The following ZNF385D variants were observed in gnomAD, a reference collection of about 807,000 sequenced individuals.
ZNF385D encodes the protein zinc finger protein 385D, also known as zinc finger protein 659.
A neutral mutation model predicts 35.8 loss-of-function variants in ZNF385D; 15 were observed. The observed-to-expected ratio is 0.42, with a 90% CI of 0.28 to 0.64. ZNF385D has a LOEUF of 0.64. Ranked by LOEUF, ZNF385D falls within the 30% of genes least tolerant of loss-of-function variation. The pLI, the probability that ZNF385D is intolerant of heterozygous loss-of-function variation, is 0.23. For synonymous variants in ZNF385D, 212 were observed against 186.8 expected, an observed-to-expected ratio of 1.13 and a Z score of -1.10; for missense variants, 474 against 494.6, an observed-to-expected ratio of 0.96 and a Z score of 0.39.
chr3:22,194,333 G>A (rs575150587), intron 2 of ZNF385D, among the ~76,000 whole-genome samples: 2 of 151,664 alleles, frequency 1.3e-5, no homozygotes, highest in African/African-American at 4.8e-5. Context: ...GGGCTTTGTT[G>A]TTGTTGTTTT....
chr3:21,626,342 A>G (rs2065133687), intron 2 of ZNF385D, among the ~76,000 whole-genome samples: 1 of 152,120 alleles, frequency 6.6e-6, no homozygotes, highest in South Asian at 2.1e-4. Context: ...ATGTGTTATC[A>G]CAATCTTCGC....
chr3:21,698,135 G>A (rs890830470), intron 1 of ZNF385D, among the ~76,000 whole-genome samples: 1 of 152,108 alleles, frequency 6.6e-6, no homozygotes, highest in South Asian at 2.1e-4. Context: ...ATGTAAAAAA[G>A]ACACCTGCAC....
chr3:21,690,051 T>C (rs2067231780), intron 1 of ZNF385D, among the ~76,000 whole-genome samples: 1 of 152,162 alleles, frequency 6.6e-6, no homozygotes, highest in South Asian at 2.1e-4. Flanking sequence ...GCATGGATTT[T>C]ATTAAAAAAT....
intron 5 of ZNF385D, among the ~76,000 whole-genome samples, chr3:21,428,309 T>C (rs1396353167): frequency 6.6e-6 from 1 of 152,118 alleles, no homozygotes; most frequent in Non-Finnish European, 1.5e-5. Flanking sequence ...AGCTGGGTGC[T>C]ATTATTATCC....
intron 2 of ZNF385D, among the ~76,000 whole-genome samples, chr3:21,658,997 G>A (rs972195499): frequency 1.8e-4 from 27 of 152,046 alleles, no homozygotes; most frequent in Admixed American, 1.5e-3. Flanking sequence ...AATCAACTAT[G>A]TCAACTTCAT....
rs145448738 is a variant in ZNF385D at position 21,749,456 on chromosome 3, G to C, written c.22+1439C>G. ...TTATAATCTGTTTCATCATCCTTCAGTATCATTACTGATGCTGAAATTGTA... is the reference window on the plus strand; with the variant it reads ...TTATAATCTGTTTCATCATCCTTCACTATCATTACTGATGCTGAAATTGTA... On this transcript the variant is annotated intron_variant, in intron 1 of 7. Transcript: ENST00000281523. 2.2e-3 allele frequency among the ~76,000 whole-genome samples: 328 copies of C among 152,258 alleles called. 4 individuals carry two copies. Among genetic ancestry groups the C allele is most frequent in the African/African-American group, 7.5e-3 (312 of 41,546 alleles).
At chr3:21,764,526 A>G (rs1324771922) in intron 3 of ZNF385D, among the ~76,000 whole-genome samples, 1 of 152,170 alleles carries the variant, frequency 6.6e-6, no homozygotes, top group Admixed American at 6.6e-5. Context: ...TTTGCTGTCT[A>G]CATGCCAGCC....
intron 3 of ZNF385D, among the ~76,000 whole-genome samples, chr3:21,842,186 T>C (rs1695724384): frequency 6.6e-6 from 1 of 152,018 alleles, no homozygotes; most frequent in African/African-American, 2.4e-5. Context: ...CTTTTCTCAA[T>C]GTTGCAAGTC....
chr3:22,236,127 C>T (rs1559470494), intron 2 of ZNF385D, among the ~76,000 whole-genome samples: 1 of 151,840 alleles, frequency 6.6e-6, no homozygotes. Flanking sequence ...TTTTTAAATG[C>T]AAACAAAGCA....
At chr3:22,198,335 A>T (rs1410368597) in intron 2 of ZNF385D, among the ~76,000 whole-genome samples, 3 of 152,094 alleles carry the variant, frequency 2.0e-5, no homozygotes, top group African/African-American at 7.2e-5. Context: ...TTTGCAGCAA[A>T]AACATATTAG....
At chr3:22,196,127 C>A (rs1340536146) in intron 2 of ZNF385D, among the ~76,000 whole-genome samples, 2 of 151,976 alleles carry the variant, frequency 1.3e-5, no homozygotes, top group Non-Finnish European at 2.9e-5. Context: ...CCCGATGACA[C>A]AAGTTTACCC....
chr3:21,816,389 T>C (rs1339528234), intron 3 of ZNF385D, among the ~76,000 whole-genome samples: 1 of 152,180 alleles, frequency 6.6e-6, no homozygotes, highest in Admixed American at 6.5e-5. Context: ...GAAGTCAAAT[T>C]GTTCCTGTGT....
chr3:21,454,513 C>T (rs1434700680), intron 4 of ZNF385D, among the ~76,000 whole-genome samples: 2 of 152,050 alleles, frequency 1.3e-5, no homozygotes, highest in African/African-American at 2.4e-5. Context: ...TGCTTTCCTT[C>T]AAGCATTCCA....
intron 2 of ZNF385D, among the ~76,000 whole-genome samples, chr3:22,293,466 A>C (rs1035626078): frequency 6.6e-6 from 1 of 152,068 alleles, no homozygotes; most frequent in African/African-American, 2.4e-5. Context: ...AGCCAATAAA[A>C]GAGTCCTCTT....
chr3:21,589,805 T>TGAAA (rs2063916442), intron 2 of ZNF385D, among the ~76,000 whole-genome samples: 1 of 152,142 alleles, frequency 6.6e-6, no homozygotes, highest in African/African-American at 2.4e-5. Flanking sequence ...ACTTTTCATC[T>TGAAA]GAAAGATTTA....
At chr3:21,912,303 G>T (rs905671608) in intron 3 of ZNF385D, among the ~76,000 whole-genome samples, 1 of 148,642 alleles carries the variant, frequency 6.7e-6, no homozygotes, top group Admixed American at 6.6e-5. Context: ...TGTTGCAGTA[G>T]TTCTAATAAA....
At position 21,569,456 on chromosome 3, in the gene ZNF385D, C is replaced by G. The variant is rs1249998164; in HGVS notation, c.166-4772G>C. 2.0e-5 allele frequency among the ~76,000 whole-genome samples: 3 copies of G among 150,148 alleles called. No individual in the cohort carries two copies. The East Asian group carries it at 5.8e-4, about 29-fold the overall frequency. On this transcript the variant is annotated intron_variant, in intron 2 of 7. Coordinates refer to ENST00000281523, the MANE Select transcript of ZNF385D (RefSeq NM_024697.3). ...GCTTTTATTTTGAGCCTATGTGTGT[C>G]TCTGCATGTGAGATGGGTTTCCTGA...
intron 2 of ZNF385D, among the ~76,000 whole-genome samples, chr3:22,229,071 A>G (rs997811947): frequency 6.6e-6 from 1 of 152,186 alleles, no homozygotes; most frequent in African/African-American, 2.4e-5. Context: ...TTGTGAATCA[A>G]TACTCCTTAA....
intron 3 of ZNF385D, among the ~76,000 whole-genome samples, chr3:22,148,456 G>C (rs1027415679): frequency 3.3e-5 from 5 of 152,134 alleles, no homozygotes; most frequent in Non-Finnish European, 5.9e-5. Context: ...GAAAACCTGT[G>C]AAACTACTGA....
Sources: allele counts gnomAD v4.1 joint callset (sites outside exome capture counted in the v4.1 genomes callset), GRCh38; gene constraint gnomAD v4.1.1; transcripts MANE v1.5; gene names NCBI Gene and HGNC (gene_info 2026-07-23, HGNC 2026-07-21).